The following CD274 variants were observed in gnomAD, a reference collection of about 807,000 sequenced individuals.
CD274 encodes the protein CD274 molecule.
CD274 carries 8 observed loss-of-function variants against 30.1 expected under a neutral mutation model. The observed-to-expected ratio is 0.27, with a 90% CI of 0.16 to 0.48. CD274 has a LOEUF of 0.48. Ranked by LOEUF, CD274 falls within the 20% of genes least tolerant of loss-of-function variation. The pLI, the probability that CD274 is intolerant of heterozygous loss-of-function variation, is 0.99. For missense variants in CD274, 353 were observed against 346.6 expected (o/e 1.02, Z -0.15); for synonymous variants, 152 against 124.6 (o/e 1.22, Z -1.46).
At chr9:5,455,170 A>G (rs1370342614) in intron 1 of CD274, among the ~76,000 whole-genome samples, 3 of 152,206 alleles carry the variant, frequency 2.0e-5, no homozygotes, top group African/African-American at 7.2e-5. Context: ...TTGTAAATAT[A>G]TGTATAACAG....
chr9:5,456,133 T>G lies in CD274; in HGVS notation c.20T>G (p.Phe7Cys), dbSNP rs1401088731. Reference protein sequence around the residue: MRIFAVFIFMTYWHLLN... With the variant: MRIFAVCIFMTYWHLLN... ...AGAAAGATGAGGATATTTGCTGTCT[T>G]TATATTCATGACCTACTGGCATTTG... Residue 7 changes from phenylalanine to cysteine, a missense_variant, in exon 2 of 7, where the codon TTT (phenylalanine) becomes TGT (cysteine). Transcript: ENST00000381577. The G allele has an allele frequency of 6.2e-7, 1 of 1,609,520 alleles. No individual in the cohort carries two copies. The highest frequency in any genetic ancestry group is 8.5e-7 in the Non-Finnish European group (1 of 1,176,008).
At chr9:5,464,379 T>C (rs1819461116) in intron 4 of CD274, among the ~76,000 whole-genome samples, 1 of 152,098 alleles carries the variant, frequency 6.6e-6, no homozygotes, top group African/African-American at 2.4e-5. Flanking sequence ...AAATAAAACA[T>C]ACGTGAACAG....
chr9:5,457,844 A>C (rs569368566), intron 3 of CD274, among the ~76,000 whole-genome samples: 1 of 152,312 alleles, frequency 6.6e-6, no homozygotes, highest in Non-Finnish European at 1.5e-5. Context: ...AAATTTTTTT[A>C]TTCAACTACT....
intron 6 of CD274, among the ~76,000 whole-genome samples, chr9:5,467,202 AAGAG>A (rs79234686): frequency 2.5e-4 from 37 of 149,602 alleles, no homozygotes; most frequent in Middle Eastern, 3.4e-3. Flanking sequence ...GCCATTACCA[AAGAG>A]AGAGAGAGAG....
At chr9:5,458,935 G>C (rs1819354718) in intron 3 of CD274, among the ~76,000 whole-genome samples, 2 of 152,148 alleles carry the variant, frequency 1.3e-5, no homozygotes, top group African/African-American at 4.8e-5. Context: ...ATCTGGGATG[G>C]AAAGGAAGAG....
chr9:5,453,115 G>T (rs1463660917), intron 1 of CD274, among the ~76,000 whole-genome samples: 1 of 152,070 alleles, frequency 6.6e-6, no homozygotes, highest in African/African-American at 2.4e-5. Context: ...TAGCAAATGT[G>T]ACCTCACAGG....
At chr9:5,466,157 A>G (rs141060854) in intron 5 of CD274, among the ~76,000 whole-genome samples, 77 of 152,348 alleles carry the variant, frequency 5.1e-4, no homozygotes, top group African/African-American at 1.8e-3. Context: ...AATTCCTCCA[A>G]TACTTAGAGA....
Position 5,466,786 on chromosome 9 carries a change from G to GA in CD274, c.813dup (p.Cys272MetfsTer13). The GA allele has an allele frequency of 6.2e-7, 1 of 1,611,028 alleles. No homozygotes were observed. Among genetic ancestry groups the GA allele is most frequent in the Non-Finnish European group, 8.5e-7 (1 of 1,178,556 alleles). On this transcript the variant is annotated frameshift_variant, in exon 6 of 7. Coordinates refer to ENST00000381577, the MANE Select transcript of CD274 (RefSeq NM_014143.4). LOFTEE classifies it high-confidence loss of function. The stretch of plus-strand genomic sequence containing the variant: ...TTTCTCAAGGGAGAATGATGGATGT[G>GA]AAAAAATGTGGCATCCAAGATACAA...
chr9:5,451,438 T>C (rs989045692), intron 1 of CD274, among the ~76,000 whole-genome samples: 1 of 152,270 alleles, frequency 6.6e-6, no homozygotes, highest in African/African-American at 2.4e-5. Flanking sequence ...ATATTGCTGA[T>C]TGTTTCCTTC....
intron 4 of CD274, 31 bp from the exon 5 acceptor site, chr9:5,465,468 C>G (rs763747780): frequency 4.7e-6 from 6 of 1,272,330 alleles, no homozygotes; most frequent in Non-Finnish European, 6.9e-6. Context: ...TATCTTTAGT[C>G]AGTTTGTTTT....
chr9:5,451,033 G>A (rs1428062317), intron 1 of CD274, among the ~76,000 whole-genome samples: 1 of 152,162 alleles, frequency 6.6e-6, no homozygotes, highest in Non-Finnish European at 1.5e-5. Context: ...CGCTAAGCAG[G>A]TCCAGGATCC....
At chr9:5,459,987 T>C (rs567477063) in intron 3 of CD274, among the ~76,000 whole-genome samples, 1 of 144,720 alleles carries the variant, frequency 6.9e-6, no homozygotes, top group Non-Finnish European at 1.5e-5. Context: ...TATCATACTT[T>C]TCTGTTTTGT....
At position 5,456,081 on chromosome 9, in the gene CD274, T is replaced by C. The variant is rs1305550331; in HGVS notation, c.-14-19T>C. On this transcript the variant is annotated intron_variant, in intron 1 of 6. Transcript: ENST00000381577. ...ATTATTAAGTGAAGCAGTCTTCTTT[T>C]CGTGTTTTCCATAATTAGGGCATTC... The C allele has an allele frequency of 2.1e-6, 3 of 1,425,350 alleles. No individual in the cohort carries two copies. In the African/African-American group the frequency reaches 4.2e-5, roughly 20 times the overall value. The allele number at this position is 1,425,350 out of a possible 1,614,324, so 88.3% of individuals were successfully genotyped here. A position where few individuals can be genotyped will look rare whatever the true frequency, so the allele number is the denominator to read the frequency against.
intron 4 of CD274, 116 bp from the exon 5 acceptor site, chr9:5,465,383 A>G (rs1819479392): frequency 3.2e-6 from 2 of 617,142 alleles, no homozygotes; most frequent in Admixed American, 2.6e-5. Context: ...AAACTTTGGC[A>G]TTTAAGAAAA....
intron 1 of CD274, 115 bp downstream of exon 1, chr9:5,450,711 G>T: frequency 6.6e-6 from 1 of 152,442 alleles, no homozygotes; most frequent in Non-Finnish European, 1.5e-5. Flanking sequence ...GAGAGGAGAA[G>T]GGAAAGGGAA....
At chr9:5,466,098 T>C (rs1310750403) in intron 5 of CD274, among the ~76,000 whole-genome samples, 1 of 152,162 alleles carries the variant, frequency 6.6e-6, no homozygotes, top group Non-Finnish European at 1.5e-5. Flanking sequence ...TCCAGGAAAA[T>C]GAGTATATTC....
Position 5,462,865 on chromosome 9 carries a change from G to T in CD274, c.426G>T (p.Leu142Phe). The T allele has an allele frequency of 1.2e-6, 2 of 1,613,616 alleles. No homozygotes were observed. The highest frequency in any genetic ancestry group is 1.7e-6 in the Non-Finnish European group (2 of 1,179,662). ...ACAACAAAATCAACCAAAGAATTTT[G>T]GTTGTGGATCCAGTCACCTCTGAAC... ...APYNKINQRI[L>F]VVDPVTSEHE... The change falls in exon 4 of 7, where the codon TTG becomes TTT. Residue 142 changes from leucine to phenylalanine, a missense_variant. Transcript: ENST00000381577.
chr9:5,452,519 C>G (rs1286194436), intron 1 of CD274, among the ~76,000 whole-genome samples: 1 of 152,182 alleles, frequency 6.6e-6, no homozygotes, highest in African/African-American at 2.4e-5. Flanking sequence ...CACATATGGT[C>G]ATAATTCTTA....
At chr9:5,462,205 C>T (rs1030124085) in intron 3 of CD274, among the ~76,000 whole-genome samples, 3 of 152,116 alleles carry the variant, frequency 2.0e-5, no homozygotes, top group African/African-American at 7.2e-5. Context: ...ATTTTCATAT[C>T]TAATTTCTGA....
Sources: allele counts gnomAD v4.1 joint callset (sites outside exome capture counted in the v4.1 genomes callset), GRCh38; gene constraint gnomAD v4.1.1; transcripts MANE v1.5; gene names NCBI Gene and HGNC (gene_info 2026-07-23, HGNC 2026-07-21).